The following SLC23A2 variants were observed in gnomAD, a reference collection of about 807,000 sequenced individuals.
The protein encoded by SLC23A2 is solute carrier family 23 member 2.
In SLC23A2, 36 loss-of-function variants were observed where a neutral mutation model predicts 73.3. That is an observed-to-expected ratio of 0.49 (90% CI 0.38 to 0.65). The LOEUF (loss-of-function observed/expected upper bound fraction) is 0.65, where lower values mean the gene tolerates loss of function less well. Among genes scored for constraint, SLC23A2 ranks in the 30% least tolerant of loss-of-function variants. SLC23A2 has a pLI of 0.00. For missense variants in SLC23A2, 507 were observed against 841.6 expected (o/e 0.60, Z 4.92); for synonymous variants, 343 against 327.3 (o/e 1.05, Z -0.52).
intron 2 of SLC23A2, among the ~76,000 whole-genome samples, chr20:4,969,459 T>C (rs2087528674): frequency 6.6e-6 from 1 of 152,130 alleles, no homozygotes; most frequent in South Asian, 2.1e-4. Context: ...CTCTTATAAG[T>C]GTACACAGAA....
intron 1 of SLC23A2, among the ~76,000 whole-genome samples, chr20:4,980,534 TTTC>T (rs1354795786): frequency 1.3e-5 from 2 of 151,738 alleles, no homozygotes; most frequent in Non-Finnish European, 2.9e-5. Context: ...TTCTTTTTCT[TTTC>T]TTTTTTTTTT....
intron 13 of SLC23A2, among the ~76,000 whole-genome samples, chr20:4,866,332 C>T (rs1035766778): frequency 2.6e-5 from 4 of 152,084 alleles, no homozygotes; most frequent in African/African-American, 7.2e-5. Context: ...TTGGTAGAAC[C>T]CACAGATACA....
intron 1 of SLC23A2, among the ~76,000 whole-genome samples, chr20:4,986,649 TACACAC>T (rs55738084): frequency 0.016 from 2,061 of 129,790 alleles, 52 homozygotes; most frequent in African/African-American, 0.05. Context: ...CATACACACA[TACACAC>T]ACACACACAC....
intron 1 of SLC23A2, among the ~76,000 whole-genome samples, chr20:4,983,404 C>T (rs13042023): frequency 0.51 from 77,030 of 151,612 alleles, 19,703 homozygotes; most frequent in South Asian, 0.65. Context: ...CCCAGCACTT[C>T]GGGAGGCCAA....
chr20:4,875,903 C>T (rs1029981242), intron 9 of SLC23A2, among the ~76,000 whole-genome samples: 5 of 152,186 alleles, frequency 3.3e-5, no homozygotes, highest in African/African-American at 7.2e-5. Context: ...TTAGCCCCAT[C>T]GACAGCCGGT....
At chr20:4,964,787 G>A (rs1035110357) in intron 2 of SLC23A2, among the ~76,000 whole-genome samples, 6 of 139,330 alleles carry the variant, frequency 4.3e-5, no homozygotes, top group Non-Finnish European at 9.1e-5. Context: ...CAGTGAGATC[G>A]CACCACTGCA....
intron 1 of SLC23A2, among the ~76,000 whole-genome samples, chr20:4,983,435 A>AG (rs2087760546): frequency 6.7e-6 from 1 of 149,710 alleles, no homozygotes; most frequent in South Asian, 2.1e-4. Context: ...TCACAAGGTG[A>AG]GGAGATCGAG....
chr20:4,867,579 G>A (rs933447633), intron 13 of SLC23A2, among the ~76,000 whole-genome samples, 191 bp downstream of exon 13: 13 of 146,272 alleles, frequency 8.9e-5, no homozygotes, highest in Non-Finnish European at 1.3e-4. Context: ...CTCCCTACCC[G>A]GACCAGCAAG....
At chr20:4,938,464 G>A (rs1265263130) in intron 2 of SLC23A2, among the ~76,000 whole-genome samples, 1 of 151,342 alleles carries the variant, frequency 6.6e-6, no homozygotes, top group Admixed American at 6.6e-5. Context: ...TCAGCGTCTC[G>A]AGTAGCTGGG....
At chr20:4,885,170 T>G (rs191804137) in intron 7 of SLC23A2, among the ~76,000 whole-genome samples, 1 of 152,160 alleles carries the variant, frequency 6.6e-6, no homozygotes, top group Non-Finnish European at 1.5e-5. Context: ...TTGAAAAACT[T>G]AGATAAAACA....
At chr20:4,922,274 G>A (rs1374193288) in intron 3 of SLC23A2, among the ~76,000 whole-genome samples, 1 of 152,160 alleles carries the variant, frequency 6.6e-6, no homozygotes, top group Non-Finnish European at 1.5e-5. Flanking sequence ...GCAATCAGGG[G>A]TCAGAAGAGA....
upstream of SLC23A2, among the ~76,000 whole-genome samples, chr20:5,002,499 T>C (rs150673209): frequency 5.7e-4 from 87 of 152,352 alleles, no homozygotes; most frequent in African/African-American, 2.0e-3. Context: ...CCCGGGCAAC[T>C]CTTGAGAAAC....
intron 1 of SLC23A2, among the ~76,000 whole-genome samples, chr20:4,994,716 G>A (rs1354260945): frequency 1.3e-5 from 2 of 151,694 alleles, no homozygotes; most frequent in African/African-American, 2.4e-5. Flanking sequence ...AGCCGATATC[G>A]CACCACTGCA....
At chr20:4,926,441 G>A (rs1932671403) in intron 3 of SLC23A2, among the ~76,000 whole-genome samples, 2 of 151,784 alleles carry the variant, frequency 1.3e-5, no homozygotes, top group African/African-American at 4.8e-5. Flanking sequence ...CCTTTTTCTG[G>A]CCGTGCTTCC....
At chr20:4,957,189 T>G (rs535544500) in intron 2 of SLC23A2, among the ~76,000 whole-genome samples, 9 of 152,194 alleles carry the variant, frequency 5.9e-5, no homozygotes, top group African/African-American at 2.2e-4. Context: ...GCATAGTGGC[T>G]TATGCTTATA....
intron 10 of SLC23A2, 91 bp downstream of exon 10, chr20:4,874,485 G>A (rs2122804771): frequency 1.6e-6 from 2 of 1,218,552 alleles, no homozygotes; most frequent in East Asian, 2.4e-5. Flanking sequence ...ATCCCCCAAG[G>A]AGGGCCTGCT....
intron 1 of SLC23A2, among the ~76,000 whole-genome samples, chr20:4,976,099 T>C (rs1226726432): frequency 6.6e-6 from 1 of 151,722 alleles, no homozygotes; most frequent in Non-Finnish European, 1.5e-5. Flanking sequence ...GTGATCCACC[T>C]GCCTCGCCCT....
rs1034284179 is a variant in SLC23A2, at chr20:4,945,030, G to A, written c.-154-12314C>T. ...AAAAAAAAAAAAAAATCTTCAACTT[G>A]TATATGATCAACTTCCTTTGAATGA... On this transcript the variant is annotated intron_variant, in intron 2 of 16. Transcript: ENST00000338244. Among the ~76,000 whole-genome samples, 128 of 151,036 alleles carry A rather than the reference G, an allele frequency of 8.5e-4. 2 individuals carry two copies. The highest frequency in any genetic ancestry group is 2.1e-4 in the Non-Finnish European group (14 of 67,812).
chr20:4,997,279 T>C (rs1479471029), intron 1 of SLC23A2, among the ~76,000 whole-genome samples: 2 of 152,116 alleles, frequency 1.3e-5, no homozygotes, highest in Non-Finnish European at 2.9e-5. Context: ...CAAGGTAAAA[T>C]CTACCAGCCT....
Sources: gnomAD v4.1 joint callset for allele counts (sites outside exome capture counted in the v4.1 genomes callset) on GRCh38, gnomAD v4.1.1 for gene constraint, MANE v1.5 for transcripts, NCBI Gene and HGNC (gene_info 2026-07-23, HGNC 2026-07-21) for gene names.